Variants in ADAMTS19 observed in about 807,000 individuals in gnomAD.
ADAMTS19 encodes the protein ADAM metallopeptidase with thrombospondin type 1 motif 19.
ADAMTS19 carries 93 observed loss-of-function variants against 153.3 expected under a neutral mutation model. The observed-to-expected ratio is 0.61, with a 90% CI of 0.51 to 0.72. The LOEUF (loss-of-function observed/expected upper bound fraction) is 0.72. ADAMTS19 is among the 30% of genes least tolerant of loss of function. The pLI is 0.00. For synonymous variants in ADAMTS19, 600 were observed against 556.6 expected, an observed-to-expected ratio of 1.08 and a Z score of -1.10; for missense variants, 1,482 against 1,552.1, an observed-to-expected ratio of 0.95 and a Z score of 0.76.
chr5:129,662,578 G>A (rs1353949963), intron 15 of ADAMTS19, among the ~76,000 whole-genome samples: 1 of 152,126 alleles, frequency 6.6e-6, no homozygotes, highest in Non-Finnish European at 1.5e-5. Context: ...ACCTCAGAGA[G>A]TACTATTAAA....
intron 2 of ADAMTS19, among the ~76,000 whole-genome samples, chr5:129,506,897 A>G (rs899423308): frequency 3.3e-5 from 5 of 151,712 alleles, no homozygotes; most frequent in African/African-American, 9.7e-5. Flanking sequence ...TTTTTAAAAT[A>G]TATATATATT....
chr5:129,556,430 G>C (rs896836098), intron 7 of ADAMTS19, among the ~76,000 whole-genome samples: 1 of 152,130 alleles, frequency 6.6e-6, no homozygotes, highest in Admixed American at 6.6e-5. Context: ...CTATCTCTTT[G>C]CTGCTATTGA....
intron 2 of ADAMTS19, among the ~76,000 whole-genome samples, chr5:129,489,005 A>T (rs1483386528): frequency 6.6e-6 from 1 of 152,100 alleles, no homozygotes; most frequent in Non-Finnish European, 1.5e-5. Context: ...TAATAATTTG[A>T]AATCTTCCAT....
chr5:129,661,585 T>C (rs968288038), intron 15 of ADAMTS19, among the ~76,000 whole-genome samples: 1 of 152,204 alleles, frequency 6.6e-6, no homozygotes, highest in African/African-American at 2.4e-5. Flanking sequence ...CTGTGCTCTA[T>C]TTAGAGTTTA....
At chr5:129,542,914 C>T (rs891625212) in intron 6 of ADAMTS19, among the ~76,000 whole-genome samples, 1 of 151,966 alleles carries the variant, frequency 6.6e-6, no homozygotes, top group African/African-American at 2.4e-5. Flanking sequence ...ATGGAAGCAA[C>T]CTGATAGGAT....
At chr5:129,592,116 G>C (rs1259991717) in intron 7 of ADAMTS19, among the ~76,000 whole-genome samples, 1 of 152,010 alleles carries the variant, frequency 6.6e-6, no homozygotes, top group East Asian at 1.9e-4. Flanking sequence ...AGTGGCTCAC[G>C]TTTGTAATCC....
intron 7 of ADAMTS19, among the ~76,000 whole-genome samples, chr5:129,552,733 A>G (rs1753168832): frequency 1.4e-5 from 2 of 143,934 alleles, no homozygotes; most frequent in East Asian, 1.9e-4. Flanking sequence ...GTGTAGAAAC[A>G]GAACATAGGG....
chr5:129,504,163 C>A (rs1559060), intron 2 of ADAMTS19, among the ~76,000 whole-genome samples: 61,999 of 151,866 alleles, frequency 0.41, 15,890 homozygotes, highest in African/African-American at 0.73. Flanking sequence ...ACATCTTCCA[C>A]CTGTTGCCTA....
At position 129,658,343 on chromosome 5, in the gene ADAMTS19, A is replaced by AAGAGAGAGAGAGAGAGAGAGAG. The variant is rs1344665969; in HGVS notation, c.2305-271_2305-270insGAGAGAGAGAGAGAGAGAGAGA. ...AAAGAAAGAAAGAAAGAAAGAAAGA[A>AAGAGAGAGAGAGAGAGAGAGAG]AGAAAGAAAGAAAGAAAGAAAGAAA... On this transcript the variant is annotated intron_variant, in intron 14 of 22. Transcript: ENST00000274487. Among the ~76,000 whole-genome samples the AAGAGAGAGAGAGAGAGAGAGAG allele has an allele frequency of 3.4e-4, 38 of 112,266 alleles. 1 individual carries two copies. Among genetic ancestry groups the AAGAGAGAGAGAGAGAGAGAGAG allele is most frequent in the African/African-American group, 1.5e-3 (38 of 24,666 alleles). 73.7% of individuals were successfully genotyped at this position (112,266 alleles called of 152,430 possible).
At chr5:129,578,774 TC>T (rs1357676941) in intron 7 of ADAMTS19, among the ~76,000 whole-genome samples, 1 of 152,142 alleles carries the variant, frequency 6.6e-6, no homozygotes, top group African/African-American at 2.4e-5. Flanking sequence ...CATGAACTCA[TC>T]CTTTTTTATG....
intron 21 of ADAMTS19, among the ~76,000 whole-genome samples, chr5:129,713,042 T>C (rs879715104): frequency 6.6e-6 from 1 of 152,250 alleles, no homozygotes; most frequent in African/African-American, 2.4e-5. Flanking sequence ...ACTATTCTTA[T>C]GCAGCGTAAT....
intron 21 of ADAMTS19, among the ~76,000 whole-genome samples, chr5:129,714,193 G>T (rs1347145127): frequency 6.6e-6 from 1 of 151,880 alleles, no homozygotes; most frequent in Non-Finnish European, 1.5e-5. Flanking sequence ...GCCGAGGCGG[G>T]TGGATCATGA....
intron 19 of ADAMTS19, among the ~76,000 whole-genome samples, chr5:129,700,902 T>C (rs1304069786): frequency 7.0e-6 from 1 of 143,618 alleles, no homozygotes; most frequent in Non-Finnish European, 1.5e-5. Flanking sequence ...TGTGTTTGGT[T>C]AAAAAAAAAA....
At chr5:129,478,851 T>A (rs928447411) in intron 2 of ADAMTS19, among the ~76,000 whole-genome samples, 35 of 152,302 alleles carry the variant, frequency 2.3e-4, no homozygotes, top group Admixed American at 1.1e-3. Context: ...CACCTCTACC[T>A]TTAGTAAAAA....
chr5:129,713,270 A>G (rs776239276), intron 21 of ADAMTS19, among the ~76,000 whole-genome samples: 46 of 152,246 alleles, frequency 3.0e-4, no homozygotes, highest in Non-Finnish European at 4.8e-4. Flanking sequence ...TTATAAAATT[A>G]TAAGCAGTAG....
chr5:129,654,254 A>T, intron 13 of ADAMTS19, 52 bp from the exon 14 acceptor site: 2 of 1,521,592 alleles, frequency 1.3e-6, no homozygotes, highest in Admixed American at 2.3e-5. Flanking sequence ...TTAAGATAAA[A>T]ATATTTATGG....
intron 19 of ADAMTS19, among the ~76,000 whole-genome samples, chr5:129,698,996 T>C (rs1178707162): frequency 2.0e-5 from 3 of 152,210 alleles, no homozygotes; most frequent in African/African-American, 7.2e-5. Context: ...AACTTACAGA[T>C]GAGATTTACT....
At chr5:129,601,059 G>A (rs1380366479) in intron 8 of ADAMTS19, among the ~76,000 whole-genome samples, 4 of 152,060 alleles carry the variant, frequency 2.6e-5, no homozygotes, top group Non-Finnish European at 5.9e-5. Flanking sequence ...TTTTAGTAGA[G>A]ACGGGGTTTC....
chr5:129,674,278 G>T (rs996722437), intron 16 of ADAMTS19, among the ~76,000 whole-genome samples: 1 of 151,088 alleles, frequency 6.6e-6, no homozygotes, highest in Admixed American at 6.6e-5. Flanking sequence ...ATTTAGTGTT[G>T]CATGCTACAT....
Sources: allele counts gnomAD v4.1 joint callset (sites outside exome capture counted in the v4.1 genomes callset), GRCh38; gene constraint gnomAD v4.1.1; transcripts MANE v1.5; gene names NCBI Gene and HGNC (gene_info 2026-07-23, HGNC 2026-07-21).